TAFA2: variants seen among roughly 807,000 people sequenced by gnomAD.
TAFA2 encodes the protein TAFA chemokine like family member 2.
TAFA2 carries 7 observed loss-of-function variants against 18.8 expected under a neutral mutation model. That is an observed-to-expected ratio of 0.37 (90% CI 0.21 to 0.70). The LOEUF is 0.70. Among genes scored for constraint, TAFA2 ranks in the 30% least tolerant of loss-of-function variants. The pLI is 0.53. For missense variants in TAFA2, 122 were observed against 158.1 expected (o/e 0.77, Z 1.23); for synonymous variants, 60 against 54.2 (o/e 1.11, Z -0.47).
rs559907564 is a variant in TAFA2 at position 61,745,950 on chromosome 12, C to T, written c.384+7672G>A. Reference sequence around the variant, plus strand: ...CAGAGCATGAGACAGACTCAACATGCCATTGCTGGTTTGAGGTGAAGGAGG... The same window carrying T: ...CAGAGCATGAGACAGACTCAACATGTCATTGCTGGTTTGAGGTGAAGGAGG... On this transcript the variant is annotated intron_variant, in intron 4 of 4. Coordinates refer to ENST00000416284, the MANE Select transcript of TAFA2 (RefSeq NM_178539.5). Among the ~76,000 whole-genome samples, 48 of 152,114 alleles carry T rather than the reference C, an allele frequency of 3.2e-4. 1 individual carries two copies. The South Asian group carries it at 9.8e-3, about 31-fold the overall frequency.
At chr12:62,095,433 C>A (rs2136840567) in intron 1 of TAFA2, among the ~76,000 whole-genome samples, 1 of 152,242 alleles carries the variant, frequency 6.6e-6, no homozygotes, top group South Asian at 2.1e-4. Context: ...TCTAAAAGAA[C>A]ATGGTCAGGT....
intron 1 of TAFA2, among the ~76,000 whole-genome samples, chr12:61,909,351 C>A (rs921984830): frequency 6.6e-6 from 1 of 152,116 alleles, no homozygotes; most frequent in Non-Finnish European, 1.5e-5. Context: ...CAGGACATCG[C>A]ATATAAGGCT....
At chr12:61,970,102 C>A (rs1879197288) in intron 1 of TAFA2, among the ~76,000 whole-genome samples, 1 of 151,526 alleles carries the variant, frequency 6.6e-6, no homozygotes, top group South Asian at 2.1e-4. Context: ...AGTTGTATAC[C>A]AAATTCATGT....
chr12:62,038,349 A>G (rs1881666216), intron 1 of TAFA2, among the ~76,000 whole-genome samples: 1 of 152,188 alleles, frequency 6.6e-6, no homozygotes, highest in Non-Finnish European at 1.5e-5. Flanking sequence ...TAAATACACT[A>G]TCTTCCTTCT....
chr12:61,753,935 A>C (rs1276227463), intron 3 of TAFA2, among the ~76,000 whole-genome samples, 189 bp from the exon 4 acceptor site: 1 of 152,072 alleles, frequency 6.6e-6, no homozygotes, highest in Non-Finnish European at 1.5e-5. Flanking sequence ...AATTTTCTTT[A>C]AAACATTTTT....
intron 1 of TAFA2, among the ~76,000 whole-genome samples, chr12:61,870,957 A>G (rs1874576419): frequency 6.6e-6 from 1 of 152,190 alleles, no homozygotes; most frequent in Non-Finnish European, 1.5e-5. Context: ...GTGAATCTGT[A>G]GGATTCATCC....
At chr12:61,944,754 G>A (rs1878193103) in intron 1 of TAFA2, among the ~76,000 whole-genome samples, 1 of 144,106 alleles carries the variant, frequency 6.9e-6, no homozygotes, top group African/African-American at 2.6e-5. Flanking sequence ...GACTAAACCA[G>A]GAAGAAGTTG....
chr12:62,099,503 C>A (rs571173480), intron 1 of TAFA2, among the ~76,000 whole-genome samples: 3 of 152,140 alleles, frequency 2.0e-5, no homozygotes, highest in Non-Finnish European at 4.4e-5. Context: ...CACCTGCAGG[C>A]TTTTGGCAAT....
intron 2 of TAFA2, among the ~76,000 whole-genome samples, chr12:61,833,972 C>T (rs1300101789): frequency 1.3e-5 from 2 of 152,014 alleles, no homozygotes; most frequent in Non-Finnish European, 2.9e-5. Flanking sequence ...AAATTTCCTG[C>T]ATGGTTCAAG....
intron 1 of TAFA2, among the ~76,000 whole-genome samples, chr12:62,220,156 TAA>T (rs1463992201): frequency 6.6e-6 from 1 of 151,798 alleles, no homozygotes. Flanking sequence ...TAGAACAAAG[TAA>T]AAGTCAAATG....
At chr12:61,991,961 C>T (rs546746327) in intron 1 of TAFA2, among the ~76,000 whole-genome samples, 22 of 152,292 alleles carry the variant, frequency 1.4e-4, no homozygotes, top group Non-Finnish European at 2.5e-4. Context: ...AGTTCTTCTC[C>T]CGTATCACTT....
intron 2 of TAFA2, among the ~76,000 whole-genome samples, chr12:61,808,356 G>A (rs1871714696): frequency 6.6e-6 from 1 of 151,476 alleles, no homozygotes; most frequent in African/African-American, 2.5e-5. Context: ...CCTCTTTTCT[G>A]TAAGTCCAAT....
intron 1 of TAFA2, among the ~76,000 whole-genome samples, chr12:62,230,420 T>C (rs190991075): frequency 1.3e-5 from 2 of 152,260 alleles, no homozygotes; most frequent in Non-Finnish European, 2.9e-5. Flanking sequence ...TTCATTTTCA[T>C]CTCTTTCAAG....
intron 1 of TAFA2, among the ~76,000 whole-genome samples, chr12:61,906,673 G>A (rs1876370053): frequency 6.6e-6 from 1 of 152,210 alleles, no homozygotes; most frequent in South Asian, 2.1e-4. Flanking sequence ...GGAAGGCCCA[G>A]AAGCCAGGAA....
chr12:61,984,838 A>G (rs963839048), intron 1 of TAFA2, among the ~76,000 whole-genome samples: 1 of 152,208 alleles, frequency 6.6e-6, no homozygotes, highest in Non-Finnish European at 1.5e-5. Flanking sequence ...TGCAAGTAAT[A>G]TCTACCAAGT....
chr12:62,060,059 G>A (rs1882303886), intron 1 of TAFA2, among the ~76,000 whole-genome samples: 1 of 152,106 alleles, frequency 6.6e-6, no homozygotes. Flanking sequence ...CAGTTTCTGG[G>A]GGTCAGGAGT....
rs548847507 is a variant in TAFA2 at position 61,768,682 on chromosome 12, G to A, written c.107-13658C>T. Among the ~76,000 whole-genome samples, 9 of 152,182 alleles carry A rather than the reference G, an allele frequency of 5.9e-5. No homozygotes were observed. In the South Asian group the frequency reaches 8.3e-4, roughly 14 times the overall value. On this transcript the variant is annotated intron_variant, in intron 2 of 4. Coordinates refer to ENST00000416284, the MANE Select transcript of TAFA2 (RefSeq NM_178539.5). Reference sequence around the variant, plus strand: ...CTGGAAGAGTGCTGTGGGCACTCTCGGTCCCCAGGGAAGGCATTCCTGATT... The same window carrying A: ...CTGGAAGAGTGCTGTGGGCACTCTCAGTCCCCAGGGAAGGCATTCCTGATT...
intron 2 of TAFA2, among the ~76,000 whole-genome samples, chr12:61,798,862 A>C (rs1281961430): frequency 6.6e-6 from 1 of 152,256 alleles, no homozygotes; most frequent in Non-Finnish European, 1.5e-5. Flanking sequence ...GTTCTATAGA[A>C]TGTTATCTAA....
chr12:61,794,618 A>C (rs954597464), intron 2 of TAFA2, among the ~76,000 whole-genome samples: 1 of 151,996 alleles, frequency 6.6e-6, no homozygotes, highest in African/African-American at 2.4e-5. Context: ...GTCCATTGTA[A>C]TCCTAACTGA....
Sources: allele counts gnomAD v4.1 joint callset (sites outside exome capture counted in the v4.1 genomes callset), GRCh38; gene constraint gnomAD v4.1.1; transcripts MANE v1.5; gene names NCBI Gene and HGNC (gene_info 2026-07-23, HGNC 2026-07-21).